Variants in BMP3 observed in about 807,000 individuals in gnomAD.
BMP3 encodes the protein bone morphogenetic protein 3 (osteogenic).
BMP3 carries 23 observed loss-of-function variants against 38.1 expected under a neutral mutation model. That is an observed-to-expected ratio of 0.60 (90% CI 0.43 to 0.86). The LOEUF (loss-of-function observed/expected upper bound fraction) is 0.86, where lower values mean the gene tolerates loss of function less well. Among genes scored for constraint, BMP3 ranks in the 40% least tolerant of loss-of-function variants. The pLI is 0.00. For missense variants in BMP3, 628 were observed against 579.6 expected (o/e 1.08, Z -0.86); for synonymous variants, 258 against 225.7 (o/e 1.14, Z -1.28).
chr4:81,035,722 A>G (rs1165646408), intron 1 of BMP3, among the ~76,000 whole-genome samples: 1 of 152,080 alleles, frequency 6.6e-6, no homozygotes, highest in East Asian at 1.9e-4. Context: ...ACATGTCACA[A>G]AAACAGGTCT....
In BMP3 at chr4:81,055,224, A is replaced by G. The variant is rs780665963; in HGVS notation, c.*1688A>G. The G allele has an allele frequency of 2.4e-4, 37 of 152,324 alleles. No individual in the cohort carries two copies. Among genetic ancestry groups the G allele is most frequent in the Middle Eastern group, 3.4e-3 (1 of 294 alleles). The allele number at this position is 152,324 out of a possible 1,614,324, so 9.4% of individuals were successfully genotyped here. The stretch of plus-strand genomic sequence containing the variant: ...AATAAACTAAATGAAAGAACATCCT[A>G]TACTTCGCTGTTTGTAAATTAGTAT... On this transcript the variant is annotated 3_prime_UTR_variant, in exon 3 of 3. Transcript: ENST00000282701.
Position 81,046,274 on chromosome 4 carries a change from C to A in BMP3, c.853C>A (p.Arg285=), listed in dbSNP as rs140653938. Residue 285 remains arginine, a synonymous_variant, in exon 2 of 3, where the codon CGG becomes AGG. Transcript: ENST00000282701. ...SHIRAALSIE[R]RKKRSTGVLL... is the part of the protein sequence containing the mutation. ...CATCAGAGCTGCCCTTTCCATTGAG[C>A]GGAGGAAGAAGCGCTCTACTGGGGT... is the stretch of plus-strand genomic sequence containing the variant. 13 of 1,613,988 alleles carry A rather than the reference C, an allele frequency of 8.1e-6. No individual in the cohort carries two copies. The highest frequency in any genetic ancestry group is 9.3e-6 in the Non-Finnish European group (11 of 1,180,000).
chr4:81,037,771 G>A (rs1283641417), intron 1 of BMP3, among the ~76,000 whole-genome samples: 1 of 152,042 alleles, frequency 6.6e-6, no homozygotes, highest in Non-Finnish European at 1.5e-5. Context: ...TTCAACAAAT[G>A]TACTATTTTC....
rs186682506 is a variant in BMP3 at position 81,044,967 on chromosome 4, G to T, written c.317-771G>T. Among the ~76,000 whole-genome samples, 810 of 152,258 alleles carry T rather than the reference G, an allele frequency of 5.3e-3. 1 individual carries two copies. Among genetic ancestry groups the T allele is most frequent in the Non-Finnish European group, 9.3e-3 (636 of 68,022 alleles). On this transcript the variant is annotated intron_variant, in intron 1 of 2. Transcript: ENST00000282701. ...TGAGTGCCTGTTTCAATTCTTTGGC[G>T]TGTATACATAGGAGAGCAATTGCGG...
chr4:81,049,194 T>C (rs1740341076), intron 2 of BMP3, among the ~76,000 whole-genome samples: 1 of 152,120 alleles, frequency 6.6e-6, no homozygotes, highest in Non-Finnish European at 1.5e-5. Flanking sequence ...TTTCTGAGAC[T>C]GAGGAGAAAG....
At position 81,038,085 on chromosome 4, in the gene BMP3, G is replaced by A. The variant is rs115681932; in HGVS notation, c.316+6485G>A. Reference sequence around the variant, plus strand: ...AACCAGCCTCTTAAAATCTAGAATTGATTATCATGTTATTCCTGATCTCAT... The same window carrying A: ...AACCAGCCTCTTAAAATCTAGAATTAATTATCATGTTATTCCTGATCTCAT... On this transcript the variant is annotated intron_variant, in intron 1 of 2. Transcript: ENST00000282701. Among the ~76,000 whole-genome samples, 913 of 152,180 alleles carry A rather than the reference G, an allele frequency of 6.0e-3. 10 individuals are homozygous for A. The highest frequency in any genetic ancestry group is 0.021 in the African/African-American group (879 of 41,524).
intron 1 of BMP3, among the ~76,000 whole-genome samples, chr4:81,032,106 G>T (rs1472572195): frequency 1.4e-5 from 2 of 140,204 alleles, no homozygotes; most frequent in East Asian, 4.4e-4. Flanking sequence ...TTCCCCAGTC[G>T]CTTCTCCAGA....
Position 81,046,033 on chromosome 4 carries a change from A to G in BMP3, c.612A>G (p.Gln204=). ...CCTGGCTGTCTAAAGATATCACTCAACTCTTGAGGAAGGCCAAAGAAAATG... is the reference window on the plus strand; with the variant it reads ...CCTGGCTGTCTAAAGATATCACTCAGCTCTTGAGGAAGGCCAAAGAAAATG... ...IMSWLSKDIT[Q]LLRKAKENEE... Residue 204 remains glutamine, a synonymous_variant, in exon 2 of 3, where the codon CAA becomes CAG. Transcript: ENST00000282701. 3 of 1,614,164 alleles carry G rather than the reference A, an allele frequency of 1.9e-6. No homozygotes were observed. Among genetic ancestry groups the G allele is most frequent in the African/African-American group, 1.3e-5 (1 of 75,046 alleles).
Position 81,033,689 on chromosome 4 carries a change from T to C in BMP3, c.316+2089T>C, listed in dbSNP as rs78212188. ...GTTACTAACACACTAAAAAGACTAT[T>C]ATAAGGCAGTTCTGGCTCTAATAAG... On this transcript the variant is annotated intron_variant, in intron 1 of 2. Coordinates refer to ENST00000282701, the MANE Select transcript of BMP3 (RefSeq NM_001201.5). Among the ~76,000 whole-genome samples the C allele has an allele frequency of 1.2e-3, 183 of 152,292 alleles. 1 individual carries two copies. The highest frequency in any genetic ancestry group is 4.1e-3 in the African/African-American group (172 of 41,576).
In BMP3 at chr4:81,043,279, G is replaced by A. The variant is rs574164252; in HGVS notation, c.317-2459G>A. Among the ~76,000 whole-genome samples the A allele has an allele frequency of 2.6e-5, 4 of 152,152 alleles. No homozygotes were observed. In the East Asian group the frequency reaches 5.8e-4, roughly 22 times the overall value. ...TTCTAACCTCAGTCCTGTGGATCTC[G>A]GTTTATGAGCTAAAGGAGAGGAATC... On this transcript the variant is annotated intron_variant, in intron 1 of 2. Transcript: ENST00000282701.
Position 81,031,489 on chromosome 4 carries a change from A to G in BMP3, c.205A>G (p.Thr69Ala). 6.2e-7 allele frequency: 1 copy of G among 1,612,962 alleles called. No individual in the cohort carries two copies. ...GCTGCGGCTCTATGACAGGTACAGC[A>G]CGGTCCAGGCGGCCCGGACACCGGG... Reference protein sequence around the residue: ...HMLRLYDRYSTVQAARTPGSL... With the variant: ...HMLRLYDRYSAVQAARTPGSL... The change falls in exon 1 of 3, where the codon ACG (threonine) becomes GCG (alanine). Residue 69 changes from threonine (T) to alanine (A), a missense_variant. Physicochemically the swap from Thr to Ala is moderately conservative, Grantham distance 58. Coordinates refer to ENST00000282701, the MANE Select transcript of BMP3 (RefSeq NM_001201.5).
chr4:81,030,741 A>ACGCG lies in BMP3; in HGVS notation c.-530_-527dup, dbSNP rs1214304649. Among the ~76,000 whole-genome samples, 1 of 151,194 alleles carries ACGCG rather than the reference A, an allele frequency of 6.6e-6. No individual in the cohort carries two copies. The highest frequency in any genetic ancestry group is 1.5e-5 in the Non-Finnish European group (1 of 67,736). ...CTCATACACACACACACACGCACAC[A>ACGCG]CGCGCGCGCGCGCGCGCACACACAC... On this transcript the variant is annotated 5_prime_UTR_variant, in exon 1 of 3. Coordinates refer to ENST00000282701, the MANE Select transcript of BMP3 (RefSeq NM_001201.5).
At chr4:81,041,064 G>C (rs1375634056) in intron 1 of BMP3, among the ~76,000 whole-genome samples, 1 of 152,080 alleles carries the variant, frequency 6.6e-6, no homozygotes, top group Admixed American at 6.6e-5. Context: ...ACAACTCATG[G>C]GGAAGAGAGA....
chr4:81,047,947 G>GAAAAAAA (rs3042535), intron 2 of BMP3, among the ~76,000 whole-genome samples: 1 of 91,560 alleles, frequency 1.1e-5, no homozygotes. Flanking sequence ...ACTCTGAAGA[G>GAAAAAAA]AAAAAAAAAA....
In BMP3 at chr4:81,045,400, G is replaced by A. The variant is rs534895539; in HGVS notation, c.317-338G>A. 2.6e-5 allele frequency among the ~76,000 whole-genome samples: 4 copies of A among 151,402 alleles called. No individual in the cohort carries two copies. In the East Asian group the frequency reaches 7.7e-4, roughly 29 times the overall value. On this transcript the variant is annotated intron_variant, in intron 1 of 2. Transcript: ENST00000282701. Reference sequence around the variant, plus strand: ...ATTTGCAATTATTTTATCTTATTATGGAAGTTGTCTTTTCACTTTCTTGAC... The same window carrying A: ...ATTTGCAATTATTTTATCTTATTATAGAAGTTGTCTTTTCACTTTCTTGAC...
chr4:81,055,944 T>C lies in BMP3; in HGVS notation c.*2408T>C, dbSNP rs1179128136. 6.6e-6 allele frequency: 1 copy of C among 152,198 alleles called. No individual in the cohort carries two copies. Among genetic ancestry groups the C allele is most frequent in the African/African-American group, 2.4e-5 (1 of 41,466 alleles). 9.4% of individuals were successfully genotyped at this position (152,198 alleles called of 1,614,324 possible). On this transcript the variant is annotated 3_prime_UTR_variant, in exon 3 of 3. Transcript: ENST00000282701. ...TCTGGGTGCTTTGTAACTATCATTT[T>C]ACTAATGAATTGAGGATGTATTATG... is the stretch of plus-strand genomic sequence containing the variant.
rs1468406245 is a variant in BMP3, at chr4:81,055,029, A to G, written c.*1493A>G. ...TTTAATAAATATGTTTTGAGCATCTATTTTGTGAAAGGCACTGTGTTACCT... is the reference window on the plus strand; with the variant it reads ...TTTAATAAATATGTTTTGAGCATCTGTTTTGTGAAAGGCACTGTGTTACCT... On this transcript the variant is annotated 3_prime_UTR_variant, in exon 3 of 3. Coordinates refer to ENST00000282701, the MANE Select transcript of BMP3 (RefSeq NM_001201.5). The G allele has an allele frequency of 6.6e-6, 1 of 152,104 alleles. No homozygotes were observed. The highest frequency in any genetic ancestry group is 1.5e-5 in the Non-Finnish European group (1 of 68,008). The allele number at this position is 152,104 out of a possible 1,614,324, so 9.4% of individuals were successfully genotyped here.
At chr4:81,043,346 C>T (rs1339867389) in intron 1 of BMP3, among the ~76,000 whole-genome samples, 1 of 152,102 alleles carries the variant, frequency 6.6e-6, no homozygotes. Flanking sequence ...CTCTTCTTCT[C>T]TCTCATTTCT....
chr4:81,034,725 A>C (rs978553007), intron 1 of BMP3, among the ~76,000 whole-genome samples: 26 of 152,190 alleles, frequency 1.7e-4, no homozygotes, highest in African/African-American at 6.0e-4. Context: ...CAGCCCCACA[A>C]GTGAATATTT....
Sources: allele counts gnomAD v4.1 joint callset (sites outside exome capture counted in the v4.1 genomes callset), GRCh38; gene constraint gnomAD v4.1.1; transcripts MANE v1.5; gene names NCBI Gene and HGNC (gene_info 2026-07-23, HGNC 2026-07-21).